TMEM163: variants seen among roughly 807,000 people sequenced by gnomAD.
The protein encoded by TMEM163 is transmembrane protein 163.
A neutral mutation model predicts 29.3 loss-of-function variants in TMEM163; 17 were observed. That is an observed-to-expected ratio of 0.58 (90% CI 0.40 to 0.87). TMEM163 has a LOEUF of 0.87. Ranked by LOEUF, TMEM163 falls within the 40% of genes least tolerant of loss-of-function variation. The pLI, the probability that TMEM163 is intolerant of heterozygous loss-of-function variation, is 0.00. For missense variants in TMEM163, 303 were observed against 381.5 expected, an observed-to-expected ratio of 0.79 and a Z score of 1.71; for synonymous variants, 157 against 160.6, an observed-to-expected ratio of 0.98 and a Z score of 0.17.
At chr2:134,548,405 C>T (rs1417208922) in intron 4 of TMEM163, among the ~76,000 whole-genome samples, 1 of 152,164 alleles carries the variant, frequency 6.6e-6, no homozygotes. Context: ...TAAAATATTG[C>T]ATTAGTGGCA....
At chr2:134,649,319 C>T (rs1683412858) in intron 2 of TMEM163, among the ~76,000 whole-genome samples, 1 of 152,196 alleles carries the variant, frequency 6.6e-6, no homozygotes, top group Non-Finnish European at 1.5e-5. Context: ...CTTGAGGAAT[C>T]ATCATGCTCC....
At chr2:134,700,898 T>C (rs1178119266) in intron 2 of TMEM163, among the ~76,000 whole-genome samples, 3 of 88,350 alleles carry the variant, frequency 3.4e-5, no homozygotes, top group African/African-American at 2.1e-4. Context: ...CAAAACTCTG[T>C]CTCGAAAATA....
intron 2 of TMEM163, among the ~76,000 whole-genome samples, chr2:134,632,589 C>T (rs1029559359): frequency 4.6e-5 from 7 of 152,316 alleles, no homozygotes; most frequent in African/African-American, 9.6e-5. Flanking sequence ...TGATGAGGAC[C>T]TGCTCTTTGC....
rs58730739 is a variant in TMEM163 at position 134,699,465 on chromosome 2, C to T, written c.322+13735G>A. ...GTTGCAGTGAGCCAAGACTGTGCCA[C>T]TGCACTCCAGCCTGGGCAACAAAGC... On this transcript the variant is annotated intron_variant, in intron 2 of 7. Transcript: ENST00000281924. Among the ~76,000 whole-genome samples, 582 of 151,688 alleles carry T rather than the reference C, an allele frequency of 3.8e-3. 1 individual carries two copies. Among genetic ancestry groups the T allele is most frequent in the African/African-American group, 0.013 (547 of 41,282 alleles).
intron 5 of TMEM163, among the ~76,000 whole-genome samples, chr2:134,500,159 G>A (rs190980968): frequency 6.6e-6 from 1 of 152,228 alleles, no homozygotes; most frequent in Admixed American, 6.5e-5. Context: ...CCACAGACCT[G>A]GTCAGTTTCT....
At chr2:134,597,326 A>G (rs553803512) in intron 2 of TMEM163, among the ~76,000 whole-genome samples, 1,889 of 152,200 alleles carry the variant, frequency 0.012, 45 homozygotes, top group African/African-American at 0.042. Context: ...AGCATGAAGC[A>G]TTGTTGAATT....
At chr2:134,662,419 C>A (rs1683775841) in intron 2 of TMEM163, among the ~76,000 whole-genome samples, 1 of 152,058 alleles carries the variant, frequency 6.6e-6, no homozygotes, top group South Asian at 2.1e-4. Flanking sequence ...TGGGTACCTT[C>A]AGATATGGGG....
intron 2 of TMEM163, among the ~76,000 whole-genome samples, chr2:134,629,802 A>G (rs192969130): frequency 1.2e-4 from 19 of 152,328 alleles, no homozygotes; most frequent in Admixed American, 1.3e-4. Context: ...GAGAGTATCA[A>G]TTCAGAATTC....
chr2:134,466,080 G>T, intron 6 of TMEM163, 34 bp downstream of exon 6: 1 of 1,511,082 alleles, frequency 6.6e-7, no homozygotes, highest in Admixed American at 1.8e-5. Flanking sequence ...TGTGAGCCCA[G>T]CCCCCAGAGA....
chr2:134,689,870 C>A (rs1328193782), intron 2 of TMEM163, among the ~76,000 whole-genome samples: 1 of 152,172 alleles, frequency 6.6e-6, no homozygotes, highest in Admixed American at 6.5e-5. Context: ...CTCCAAAGAA[C>A]GGCATGCAGA....
chr2:134,568,898 T>C (rs1431023634), intron 2 of TMEM163, among the ~76,000 whole-genome samples: 1 of 151,946 alleles, frequency 6.6e-6, no homozygotes, highest in Admixed American at 6.6e-5. Flanking sequence ...AGGAGAAGTC[T>C]GGGGAATCTG....
At chr2:134,713,102 A>G in intron 2 of TMEM163, 98 bp downstream of exon 2, 2 of 1,530,026 alleles carry the variant, frequency 1.3e-6, no homozygotes, top group Non-Finnish European at 1.8e-6. Context: ...TTACTCATCA[A>G]TAATAGTCAA....
intron 5 of TMEM163, among the ~76,000 whole-genome samples, chr2:134,480,940 T>C (rs1282449898): frequency 3.3e-5 from 5 of 152,342 alleles, no homozygotes; most frequent in East Asian, 3.9e-4. Context: ...AGTTTAACCA[T>C]CTGCAAAACA....
intron 2 of TMEM163, among the ~76,000 whole-genome samples, chr2:134,630,188 G>A (rs1682935216): frequency 6.6e-6 from 1 of 151,732 alleles, no homozygotes; most frequent in Admixed American, 6.6e-5. Flanking sequence ...CTCACTTTTT[G>A]CATCTGTACA....
At chr2:134,676,135 C>A (rs1461382593) in intron 2 of TMEM163, among the ~76,000 whole-genome samples, 1 of 152,100 alleles carries the variant, frequency 6.6e-6, no homozygotes, top group Non-Finnish European at 1.5e-5. Flanking sequence ...GAAAAAAGGC[C>A]CCGACTTGCA....
At chr2:134,585,801 A>C (rs1308835307) in intron 2 of TMEM163, among the ~76,000 whole-genome samples, 1 of 152,134 alleles carries the variant, frequency 6.6e-6, no homozygotes, top group Non-Finnish European at 1.5e-5. Context: ...AATGAATGTT[A>C]GCTGTTATTA....
chr2:134,647,745 G>C (rs955179355), intron 2 of TMEM163, among the ~76,000 whole-genome samples: 1 of 152,248 alleles, frequency 6.6e-6, no homozygotes, highest in African/African-American at 2.4e-5. Flanking sequence ...GCTAGAGCTA[G>C]CTGGCTGCTT....
chr2:134,544,940 C>A (rs1280235980), intron 4 of TMEM163, among the ~76,000 whole-genome samples: 2 of 152,184 alleles, frequency 1.3e-5, no homozygotes, highest in East Asian at 3.8e-4. Context: ...TTGGACAGCT[C>A]TGGTTGTCAT....
intron 2 of TMEM163, among the ~76,000 whole-genome samples, chr2:134,570,495 T>C (rs113686068): frequency 0.029 from 3,971 of 136,438 alleles, 99 homozygotes; most frequent in African/African-American, 0.095. Flanking sequence ...TACATATACA[T>C]ATACATATAC....
Sources: gnomAD v4.1 joint callset for allele counts (sites outside exome capture counted in the v4.1 genomes callset) on GRCh38, gnomAD v4.1.1 for gene constraint, MANE v1.5 for transcripts, NCBI Gene and HGNC (gene_info 2026-07-23, HGNC 2026-07-21) for gene names.